CDS1: variants seen among roughly 807,000 people sequenced by gnomAD.
CDS1 encodes CDP-diacylglycerol synthase 1.
Under a neutral mutation model 62.1 loss-of-function variants are expected in CDS1, and 41 were observed. The ratio of observed to expected loss-of-function variants is 0.66; its 90% CI spans 0.51 to 0.86. The LOEUF (loss-of-function observed/expected upper bound fraction) is 0.86, where lower values mean the gene tolerates loss of function less well. Ranked by LOEUF, CDS1 falls within the 40% of genes least tolerant of loss-of-function variation. The pLI, the probability that CDS1 is intolerant of heterozygous loss-of-function variation, is 0.00. For missense variants in CDS1, 470 were observed against 550.1 expected (o/e 0.85, Z 1.46); for synonymous variants, 185 against 192.6 (o/e 0.96, Z 0.32).
chr4:84,638,716 T>TTCA (rs1724290469), intron 8 of CDS1, among the ~76,000 whole-genome samples: 2 of 152,108 alleles, frequency 1.3e-5, no homozygotes, highest in Admixed American at 6.5e-5. Context: ...TTTGAGGGCC[T>TTCA]ACTATGTGTT....
At chr4:84,613,824 CT>C (rs1280541650) in intron 3 of CDS1, among the ~76,000 whole-genome samples, 4 of 152,100 alleles carry the variant, frequency 2.6e-5, no homozygotes, top group African/African-American at 4.8e-5. Context: ...TTTTCCCCCC[CT>C]GCCTTCTTGG....
At chr4:84,596,097 TTCTC>T (rs1023641914) in intron 1 of CDS1, among the ~76,000 whole-genome samples, 16 of 152,172 alleles carry the variant, frequency 1.1e-4, no homozygotes, top group Admixed American at 2.6e-4. Context: ...ACAGTCATAA[TTCTC>T]TCAGCACATA....
intron 7 of CDS1, among the ~76,000 whole-genome samples, chr4:84,634,409 T>G (rs1205404701): frequency 1.3e-5 from 2 of 152,188 alleles, no homozygotes; most frequent in Admixed American, 6.5e-5. Flanking sequence ...TAGAAGTTAA[T>G]TGCTCTATGG....
At chr4:84,621,370 A>G (rs1013210980) in intron 5 of CDS1, among the ~76,000 whole-genome samples, 3 of 152,146 alleles carry the variant, frequency 2.0e-5, no homozygotes, top group Non-Finnish European at 4.4e-5. Flanking sequence ...AGTCCTGTAG[A>G]AGTATGCTAT....
chr4:84,635,601 GC>G (rs1578049661), intron 8 of CDS1, among the ~76,000 whole-genome samples: 3 of 88,048 alleles, frequency 3.4e-5, no homozygotes, highest in Non-Finnish European at 4.5e-5. Context: ...CTGCCTGCCT[GC>G]CTGCCTGCCT....
chr4:84,586,545 G>A (rs1364222331), intron 1 of CDS1, among the ~76,000 whole-genome samples: 1 of 152,120 alleles, frequency 6.6e-6, no homozygotes. Context: ...GGCAGCGCTC[G>A]GTGGTAATGC....
chr4:84,585,702 A>C (rs1457131892), intron 1 of CDS1, among the ~76,000 whole-genome samples: 1 of 152,070 alleles, frequency 6.6e-6, no homozygotes, highest in Admixed American at 6.6e-5. Context: ...TTAACATGAC[A>C]CTCCCTTTGT....
chr4:84,630,912 A>G (rs567148475), intron 5 of CDS1, among the ~76,000 whole-genome samples: 4 of 152,356 alleles, frequency 2.6e-5, no homozygotes, highest in African/African-American at 4.8e-5. Context: ...AAATAAACCT[A>G]TCTTTAGACG....
intron 10 of CDS1, among the ~76,000 whole-genome samples, chr4:84,642,066 G>A (rs2148660268): frequency 6.6e-6 from 1 of 152,308 alleles, no homozygotes; most frequent in East Asian, 1.9e-4. Context: ...ATTGGCTTAT[G>A]CCTGTAATCC....
At chr4:84,627,113 AT>A (rs1420051772) in intron 5 of CDS1, among the ~76,000 whole-genome samples, 2 of 152,298 alleles carry the variant, frequency 1.3e-5, no homozygotes, top group Non-Finnish European at 2.9e-5. Context: ...CCCTGTGAAA[AT>A]TTTAGTTCTA....
In CDS1 at chr4:84,615,901, A is replaced by G. The variant is rs1157180916; in HGVS notation, c.343-1663A>G. Among the ~76,000 whole-genome samples, 4 of 152,286 alleles carry G rather than the reference A, an allele frequency of 2.6e-5. No homozygotes were observed. The East Asian group carries it at 7.7e-4, about 29-fold the overall frequency. Reference sequence around the variant, plus strand: ...CATATAGTTGAAGGATTTCAACACTACTATTTGGAACCTTTTGTTTTCTGT... The same window carrying G: ...CATATAGTTGAAGGATTTCAACACTGCTATTTGGAACCTTTTGTTTTCTGT... On this transcript the variant is annotated intron_variant, in intron 3 of 12. Coordinates refer to ENST00000295887, the MANE Select transcript of CDS1 (RefSeq NM_001263.4).
At chr4:84,586,224 GGA>G (rs1342005472) in intron 1 of CDS1, among the ~76,000 whole-genome samples, 1 of 152,090 alleles carries the variant, frequency 6.6e-6, no homozygotes, top group African/African-American at 2.4e-5. Context: ...TTTTTTCCAC[GGA>G]TGGGTTGGGG....
At chr4:84,599,133 A>G (rs956755985) in intron 1 of CDS1, among the ~76,000 whole-genome samples, 25 of 152,162 alleles carry the variant, frequency 1.6e-4, no homozygotes, top group African/African-American at 5.5e-4. Context: ...ATGCTGGCCA[A>G]TTTGGTTCCT....
chr4:84,630,516 GT>G (rs1334466383), intron 5 of CDS1, among the ~76,000 whole-genome samples: 1 of 152,170 alleles, frequency 6.6e-6, no homozygotes, highest in Non-Finnish European at 1.5e-5. Context: ...GGTGAGAGTA[GT>G]AATACCCTTG....
chr4:84,606,021 A>C (rs1723082473), intron 2 of CDS1, among the ~76,000 whole-genome samples: 1 of 152,162 alleles, frequency 6.6e-6, no homozygotes, highest in Non-Finnish European at 1.5e-5. Context: ...AAAATGAACA[A>C]TAGATAATAT....
intron 9 of CDS1, among the ~76,000 whole-genome samples, chr4:84,639,814 T>A (rs1281608475): frequency 1.3e-5 from 2 of 152,142 alleles, no homozygotes; most frequent in African/African-American, 4.8e-5. Context: ...TAAATTTAGT[T>A]CATTTGCAAT....
At chr4:84,619,336 G>C (rs1054572304) in intron 4 of CDS1, 58 bp from the exon 5 acceptor site, 1 of 908,054 alleles carries the variant, frequency 1.1e-6, no homozygotes, top group African/African-American at 1.7e-5. Context: ...TAATTTTGTT[G>C]AGTTTGAGGG....
intron 2 of CDS1, among the ~76,000 whole-genome samples, chr4:84,605,965 A>C (rs186027144): frequency 4.6e-5 from 7 of 152,248 alleles, no homozygotes; most frequent in Admixed American, 2.0e-4. Context: ...TGTGGCTTCA[A>C]TGCCTGTATT....
chr4:84,625,375 G>A (rs1453393938), intron 5 of CDS1, among the ~76,000 whole-genome samples: 18 of 152,156 alleles, frequency 1.2e-4, no homozygotes, highest in Non-Finnish European at 2.6e-4. Context: ...CCAGGGTCTT[G>A]AAATTGGTAA....
Sources: allele counts gnomAD v4.1 joint callset (sites outside exome capture counted in the v4.1 genomes callset), GRCh38; gene constraint gnomAD v4.1.1; transcripts MANE v1.5; gene names NCBI Gene and HGNC (gene_info 2026-07-23, HGNC 2026-07-21).